The following MDM2 variants were observed in gnomAD, a reference collection of about 807,000 sequenced individuals.
MDM2 encodes MDM2 proto-oncogene, also known as E3 ubiquitin-protein ligase Mdm2.
Under a neutral mutation model 64.3 loss-of-function variants are expected in MDM2, and 11 were observed. The ratio of observed to expected loss-of-function variants is 0.17; its 90% confidence interval spans 0.11 to 0.28. MDM2 has a LOEUF of 0.28. Ranked by LOEUF, MDM2 falls within the 10% of genes least tolerant of loss-of-function variation. The pLI is 1.00. For synonymous variants in MDM2, 194 were observed against 192.9 expected, an observed-to-expected ratio of 1.01 and a Z score of -0.05; for missense variants, 388 against 577.1, an observed-to-expected ratio of 0.67 and a Z score of 3.36.
At chr12:68,815,433 C>CTTTTTTTTTTTTTTTTTTT (rs58178593) in intron 3 of MDM2, among the ~76,000 whole-genome samples, 1 of 93,090 alleles carries the variant, frequency 1.1e-5, no homozygotes, top group Non-Finnish European at 2.0e-5. Context: ...GTTTCTTCTT[C>CTTTTTTTTTTTTTTTTTTT]TTTTTTTTTT....
At chr12:68,831,410 C>T (rs1481505008) in intron 8 of MDM2, among the ~76,000 whole-genome samples, 4 of 152,272 alleles carry the variant, frequency 2.6e-5, no homozygotes, top group Non-Finnish European at 5.9e-5. Flanking sequence ...CTCAAGAAAA[C>T]TGGCCCTCCC....
intron 5 of MDM2, among the ~76,000 whole-genome samples, chr12:68,820,868 T>A (rs185027475): frequency 6.0e-4 from 92 of 152,282 alleles, no homozygotes; most frequent in Middle Eastern, 3.4e-3. Flanking sequence ...GATAAAAGCA[T>A]TGGGTTCTTG....
intron 2 of MDM2, among the ~76,000 whole-genome samples, chr12:68,809,797 T>C (rs1216879536): frequency 6.6e-6 from 1 of 152,234 alleles, no homozygotes; most frequent in East Asian, 1.9e-4. Context: ...ACTAACAAGA[T>C]GAAACTGTAG....
At chr12:68,834,640 G>C (rs1314298359) in intron 8 of MDM2, among the ~76,000 whole-genome samples, 2 of 152,174 alleles carry the variant, frequency 1.3e-5, no homozygotes, top group East Asian at 3.8e-4. Context: ...GGGAGGCTGA[G>C]GCAGGAGAAT....
In MDM2 at chr12:68,842,516, T is replaced by C. The variant is rs1469415303; in HGVS notation, c.*2667T>C. The C allele has an allele frequency of 2.6e-6, 1 of 377,968 alleles. No individual in the cohort carries two copies. Among genetic ancestry groups the C allele is most frequent in the African/African-American group, 2.2e-5 (1 of 45,414 alleles). The allele number at this position is 377,968 out of a possible 1,614,324, so 23.4% of individuals were successfully genotyped here. A position where few individuals can be genotyped will look rare whatever the true frequency, so the allele number is the denominator to read the frequency against. On this transcript the variant is annotated 3_prime_UTR_variant, in exon 11 of 11. Coordinates refer to ENST00000258149, the MANE Select transcript of MDM2 (RefSeq NM_002392.6). ...GATGAAAGGTGATTACAAAATCATCTACATTGCTGTCTACAAAACAGATAA... is the reference window on the plus strand; with the variant it reads ...GATGAAAGGTGATTACAAAATCATCCACATTGCTGTCTACAAAACAGATAA...
rs1883848381 is a variant in MDM2 at position 68,842,399 on chromosome 12, T to G, written c.*2550T>G. 1.8e-4 allele frequency: 88 copies of G among 486,920 alleles called. 2 individuals are homozygous for G. Among genetic ancestry groups the G allele is most frequent in the South Asian group, 1.4e-3 (88 of 64,198 alleles). 30.2% of individuals were successfully genotyped at this position (486,920 alleles called of 1,614,324 possible). A position where few individuals can be genotyped will look rare whatever the true frequency, so the allele number is the denominator to read the frequency against. ...CAGAGGTTTCCTAAAAATCTCATTA[T>G]CTATAACCATTTCTATATTTACATT... On this transcript the variant is annotated 3_prime_UTR_variant, in exon 11 of 11. Transcript: ENST00000258149.
intron 8 of MDM2, among the ~76,000 whole-genome samples, chr12:68,835,449 T>A (rs537649961): frequency 5.9e-5 from 9 of 152,340 alleles, no homozygotes; most frequent in Admixed American, 3.9e-4. Context: ...GGTGTCTAGT[T>A]GAAGACAGAC....
chr12:68,840,439 C>T lies in MDM2; in HGVS notation c.*590C>T, dbSNP rs953216707. 1.3e-4 allele frequency: 23 copies of T among 180,026 alleles called. No individual in the cohort carries two copies. Among genetic ancestry groups the T allele is most frequent in the Middle Eastern group, 2.0e-3 (1 of 506 alleles). The allele number at this position is 180,026 out of a possible 1,614,324, so 11.2% of individuals were successfully genotyped here. A position where few individuals can be genotyped will look rare whatever the true frequency, so the allele number is the denominator to read the frequency against. ...GATTACAGGCATGAGCCACCGCGTC[C>T]GGCCTAAATGTCACTTAGTACCTTT... On this transcript the variant is annotated 3_prime_UTR_variant, in exon 11 of 11. Coordinates refer to ENST00000258149, the MANE Select transcript of MDM2 (RefSeq NM_002392.6).
rs1250840344 is a variant in MDM2, at chr12:68,839,393, A to C, written c.1038A>C (p.Glu346Asp). 6.2e-7 allele frequency: 1 copy of C among 1,613,962 alleles called. No homozygotes were observed. The highest frequency in any genetic ancestry group is 2.2e-5 in the East Asian group (1 of 44,844). Residue 346 changes from glutamate to aspartate, a missense_variant, in exon 11 of 11, where the codon GAA (glutamate) becomes GAC (aspartate). Coordinates refer to ENST00000258149, the MANE Select transcript of MDM2 (RefSeq NM_002392.6). ...LPEDKGKDKG[E>D]ISEKAKLENS... ...AAGATAAAGGGAAAGATAAAGGGGA[A>C]ATCTCTGAGAAAGCCAAACTGGAAA...
At chr12:68,817,882 C>T (rs995522205) in intron 4 of MDM2, among the ~76,000 whole-genome samples, 4 of 152,066 alleles carry the variant, frequency 2.6e-5, no homozygotes, top group Admixed American at 6.5e-5. Flanking sequence ...ACTGCAACCT[C>T]CGTCTCCTGG....
chr12:68,837,276 T>G (rs575195877), intron 10 of MDM2, among the ~76,000 whole-genome samples: 2 of 152,206 alleles, frequency 1.3e-5, no homozygotes, highest in South Asian at 4.2e-4. Context: ...TGATGTTATT[T>G]TGGAAAATTT....
At chr12:68,829,506 G>A (rs1232368059) in intron 8 of MDM2, among the ~76,000 whole-genome samples, 1 of 152,138 alleles carries the variant, frequency 6.6e-6, no homozygotes, top group Non-Finnish European at 1.5e-5. Context: ...GGTGGCTCAT[G>A]CCTGTAATCA....
intron 8 of MDM2, among the ~76,000 whole-genome samples, chr12:68,834,733 TC>T (rs1374255628): frequency 6.6e-6 from 1 of 152,194 alleles, no homozygotes; most frequent in Non-Finnish European, 1.5e-5. Context: ...CAAGATTCCA[TC>T]TCAAAATAAA....
At chr12:68,835,584 G>C (rs1322526246) in intron 8 of MDM2, among the ~76,000 whole-genome samples, 1 of 152,192 alleles carries the variant, frequency 6.6e-6, no homozygotes, top group East Asian at 1.9e-4. Flanking sequence ...CCTTAATCTA[G>C]TTTCAGTATG....
chr12:68,812,261 A>G (rs1274657235), intron 2 of MDM2, among the ~76,000 whole-genome samples: 3 of 152,068 alleles, frequency 2.0e-5, no homozygotes, highest in African/African-American at 4.8e-5. Context: ...AAATTTTTCA[A>G]TTGTTAAATA....
intron 8 of MDM2, among the ~76,000 whole-genome samples, chr12:68,834,123 G>A (rs1287986433): frequency 6.6e-6 from 1 of 152,128 alleles, no homozygotes; most frequent in East Asian, 1.9e-4. Context: ...TCCTTTTCTA[G>A]ATGAAGTAGC....
chr12:68,814,564 T>C (rs1565733480), intron 3 of MDM2: 1 of 355,084 alleles, frequency 2.8e-6, no homozygotes, highest in Non-Finnish European at 5.5e-6. Context: ...ATTTTTTTTT[T>C]CCCATCCAAA....
intron 7 of MDM2, among the ~76,000 whole-genome samples, chr12:68,826,518 A>G (rs1203176291): frequency 6.6e-6 from 1 of 151,638 alleles, no homozygotes; most frequent in Non-Finnish European, 1.5e-5. Flanking sequence ...GTGTGGTGGC[A>G]GGCGCCTGTA....
At chr12:68,820,764 A>G (rs988728586) in intron 5 of MDM2, among the ~76,000 whole-genome samples, 8 of 152,148 alleles carry the variant, frequency 5.3e-5, no homozygotes, top group Non-Finnish European at 8.8e-5. Context: ...TTATAGACAA[A>G]ATTTTGTTTA....
Sources: gnomAD v4.1 joint callset for allele counts (sites outside exome capture counted in the v4.1 genomes callset) on GRCh38, gnomAD v4.1.1 for gene constraint, MANE v1.5 for transcripts, NCBI Gene and HGNC (gene_info 2026-07-23, HGNC 2026-07-21) for gene names.